The following UGT2B10 variants were observed in gnomAD, a reference collection of about 807,000 sequenced individuals.
The protein encoded by UGT2B10 is UDP-glucuronosyltransferase 2B10.
A neutral mutation model predicts 43.7 loss-of-function variants in UGT2B10; 51 were observed. The ratio of observed to expected loss-of-function variants is 1.17; its 90% CI spans 0.93 to 1.47. The LOEUF (loss-of-function observed/expected upper bound fraction) is 1.47. Among genes scored for constraint, UGT2B10 ranks in the 40% most tolerant of loss-of-function variants. The probability of loss-of-function intolerance (pLI) is 0.00; values close to 1 mark genes in which losing one functional copy is unlikely to be tolerated. For synonymous variants in UGT2B10, 225 were observed against 209.0 expected (o/e 1.08, Z -0.66); for missense variants, 696 against 617.7 (o/e 1.13, Z -1.34).
chr4:68,823,074 G>A (rs868819569), intron 3 of UGT2B10, among the ~76,000 whole-genome samples: 28 of 152,196 alleles, frequency 1.8e-4, no homozygotes, highest in African/African-American at 6.0e-4. Flanking sequence ...ACTGGCTCTG[G>A]TGGTCATTAT....
At chr4:68,820,175 T>C (rs1212043450) in intron 2 of UGT2B10, among the ~76,000 whole-genome samples, 7 of 152,102 alleles carry the variant, frequency 4.6e-5, no homozygotes, top group Non-Finnish European at 1.0e-4. Flanking sequence ...TGACTGGTAG[T>C]ACAATAGTGG....
At chr4:68,827,294 T>G (rs1350878153) in intron 4 of UGT2B10, 35 bp from the exon 5 acceptor site, 1 of 1,611,914 alleles carries the variant, frequency 6.2e-7, no homozygotes, top group Admixed American at 1.7e-5. Flanking sequence ...ATTTTATTCC[T>G]ATGAATAATT....
At chr4:68,820,914 T>C (rs1737459932) in intron 2 of UGT2B10, among the ~76,000 whole-genome samples, 1 of 152,110 alleles carries the variant, frequency 6.6e-6, no homozygotes, top group Non-Finnish European at 1.5e-5. Flanking sequence ...CAGTGATGAA[T>C]CTCTACACAG....
chr4:68,825,739 T>C (rs1297845777), intron 3 of UGT2B10, among the ~76,000 whole-genome samples: 2 of 152,152 alleles, frequency 1.3e-5, no homozygotes, highest in African/African-American at 2.4e-5. Context: ...CAGTCCATAA[T>C]TGATGGTCAT....
chr4:68,818,279 G>A, intron 2 of UGT2B10, 102 bp downstream of exon 2: 1 of 1,551,580 alleles, frequency 6.4e-7, no homozygotes, highest in Non-Finnish European at 8.6e-7. Flanking sequence ...GAAAAAGATG[G>A]GAAGTAGGTG....
intron 1 of UGT2B10, among the ~76,000 whole-genome samples, 163 bp from the exon 2 acceptor site, chr4:68,817,866 A>G (rs948990703): frequency 6.6e-6 from 1 of 151,872 alleles, no homozygotes; most frequent in African/African-American, 2.4e-5. Context: ...AATATAGAAT[A>G]CATAAAAAAT....
rs781982054 is a variant in UGT2B10, at chr4:68,822,337, G to A, written c.934G>A (p.Val312Ile). 14 of 1,613,478 alleles carry A rather than the reference G, an allele frequency of 8.7e-6. No homozygotes were observed. Among genetic ancestry groups the A allele is most frequent in the Non-Finnish European group, 1.2e-5 (14 of 1,179,824 alleles). The change falls in exon 3 of 6, where the codon GTC (valine) becomes ATC (isoleucine). Residue 312 changes from valine (V) to isoleucine (I), a missense_variant. Coordinates refer to ENST00000265403, the MANE Select transcript of UGT2B10 (RefSeq NM_001075.6). ...GVVVFSLGSM[V>I]SNMTEERANV... ...TGTGGTGTTTTCTCTGGGGTCAATGGTCAGTAACATGACAGAAGAAAGGGC... is the reference window on the plus strand; with the variant it reads ...TGTGGTGTTTTCTCTGGGGTCAATGATCAGTAACATGACAGAAGAAAGGGC...
At chr4:68,824,421 G>T (rs1341439341) in intron 3 of UGT2B10, among the ~76,000 whole-genome samples, 1 of 152,132 alleles carries the variant, frequency 6.6e-6, no homozygotes, top group Non-Finnish European at 1.5e-5. Flanking sequence ...CCTCCCAATG[G>T]ACGCAGCAGA....
At position 68,831,846 on chromosome 4, in the gene UGT2B10, C is replaced by T. The variant is rs116116268; in HGVS notation, c.*967C>T. Among the ~76,000 whole-genome samples the T allele has an allele frequency of 0.024, 3,654 of 152,160 alleles. 152 individuals carry two copies. The highest frequency in any genetic ancestry group is 0.083 in the African/African-American group (3,464 of 41,536). ...CATGTCCTCTTTATTATTGATCAAT[C>T]CAACTGCAAAGTTCACCTTACCTGA... is the stretch of plus-strand genomic sequence containing the variant. On this transcript the variant is annotated 3_prime_UTR_variant, in exon 6 of 6. Coordinates refer to ENST00000265403, the MANE Select transcript of UGT2B10 (RefSeq NM_001075.6).
At chr4:68,824,879 G>A (rs1465953549) in intron 3 of UGT2B10, among the ~76,000 whole-genome samples, 2 of 152,056 alleles carry the variant, frequency 1.3e-5, no homozygotes, top group Non-Finnish European at 2.9e-5. Context: ...ATACCAACAT[G>A]TTCCTTATTT....
rs1738098627 is a variant in UGT2B10, at chr4:68,831,467, A to G, written c.*588A>G. On this transcript the variant is annotated 3_prime_UTR_variant, in exon 6 of 6. Transcript: ENST00000265403. ...GTCACTAACATAAAAGAAGAATGGG[A>G]TGAGGTGAGAAGGATGAATACAAAA... is the stretch of plus-strand genomic sequence containing the variant. Among the ~76,000 whole-genome samples the G allele has an allele frequency of 6.6e-6, 1 of 152,114 alleles. No individual in the cohort carries two copies. Among genetic ancestry groups the G allele is most frequent in the Non-Finnish European group, 1.5e-5 (1 of 68,002 alleles).
In UGT2B10 at chr4:68,830,991, C is replaced by A. The variant is rs1738071893; in HGVS notation, c.*112C>A. 2 of 1,406,458 alleles carry A rather than the reference C, an allele frequency of 1.4e-6. No homozygotes were observed. The highest frequency in any genetic ancestry group is 1.5e-5 in the African/African-American group (1 of 68,942). 87.1% of individuals were successfully genotyped at this position (1,406,458 alleles called of 1,614,324 possible). A position where few individuals can be genotyped will look rare whatever the true frequency, so the allele number is the denominator to read the frequency against. On this transcript the variant is annotated 3_prime_UTR_variant, in exon 6 of 6. Transcript: ENST00000265403. ...TTTCTTCCTGTGACAAAAAAAAATCCTTTCGAAGTCTACCTTGTCAAGTAA... is the reference window on the plus strand; with the variant it reads ...TTTCTTCCTGTGACAAAAAAAAATCATTTCGAAGTCTACCTTGTCAAGTAA...
chr4:68,816,238 T>G lies in UGT2B10; in HGVS notation c.219T>G (p.Leu73=). 6.2e-7 allele frequency: 1 copy of G among 1,613,266 alleles called. No homozygotes were observed. The highest frequency in any genetic ancestry group is 8.5e-7 in the Non-Finnish European group (1 of 1,179,484). ...CCAACGACTCATCCACTCTTAAACT[T>G]GAAGTTTATCCTACATCTTTAACTA... ...FDPNDSSTLK[L]EVYPTSLTKT... The change falls in exon 1 of 6, where the codon CTT becomes CTG. Residue 73 remains leucine (L), a synonymous_variant. Coordinates refer to ENST00000265403, the MANE Select transcript of UGT2B10 (RefSeq NM_001075.6).
In UGT2B10 at chr4:68,819,703, A is replaced by G. The variant is rs117918025; in HGVS notation, c.867+1526A>G. Reference sequence around the variant, plus strand: ...TGACAGAGAAGCACAGAGATAATGAACAATGCATGTATAATAAAGACCAAA... The same window carrying G: ...TGACAGAGAAGCACAGAGATAATGAGCAATGCATGTATAATAAAGACCAAA... On this transcript the variant is annotated intron_variant, in intron 2 of 5. Coordinates refer to ENST00000265403, the MANE Select transcript of UGT2B10 (RefSeq NM_001075.6). Among the ~76,000 whole-genome samples the G allele has an allele frequency of 0.012, 1,866 of 152,106 alleles. 98 individuals are homozygous for G. In the East Asian group the frequency reaches 0.18, roughly 15 times the overall value.
chr4:68,828,830 A>T (rs1017987525), intron 5 of UGT2B10, among the ~76,000 whole-genome samples: 5 of 152,026 alleles, frequency 3.3e-5, no homozygotes, highest in African/African-American at 1.2e-4. Flanking sequence ...AGACTTAGGA[A>T]ATATAAAAAG....
At chr4:68,826,842 A>G (rs766635286) in intron 4 of UGT2B10, among the ~76,000 whole-genome samples, 1 of 152,072 alleles carries the variant, frequency 6.6e-6, no homozygotes, top group Non-Finnish European at 1.5e-5. Context: ...ATGCCACTAA[A>G]TATAATAGCT....
At chr4:68,824,626 C>T (rs1449305695) in intron 3 of UGT2B10, among the ~76,000 whole-genome samples, 2 of 152,124 alleles carry the variant, frequency 1.3e-5, no homozygotes, top group Non-Finnish European at 1.5e-5. Context: ...TTTGCTTAAA[C>T]CTGAGTTACT....
At chr4:68,817,860 T>G in intron 1 of UGT2B10, among the ~76,000 whole-genome samples, 169 bp from the exon 2 acceptor site, 1 of 151,806 alleles carries the variant, frequency 6.6e-6, no homozygotes, top group East Asian at 1.9e-4. Flanking sequence ...GGGCAAAATA[T>G]AGAATACATA....
At chr4:68,820,640 C>G (rs1439581210) in intron 2 of UGT2B10, among the ~76,000 whole-genome samples, 1 of 151,780 alleles carries the variant, frequency 6.6e-6, no homozygotes, top group African/African-American at 2.4e-5. Flanking sequence ...ATAAATATAA[C>G]ACGATGGCAA....
Sources: gnomAD v4.1 joint callset for allele counts (sites outside exome capture counted in the v4.1 genomes callset) on GRCh38, gnomAD v4.1.1 for gene constraint, MANE v1.5 for transcripts, NCBI Gene and HGNC (gene_info 2026-07-23, HGNC 2026-07-21) for gene names.